Variants in GABRR1 observed in about 807,000 individuals in gnomAD.
The protein encoded by GABRR1 is gamma-aminobutyric acid receptor subunit rho-1.
A neutral mutation model predicts 55.5 loss-of-function variants in GABRR1; 59 were observed. The ratio of observed to expected loss-of-function variants is 1.06; its 90% CI spans 0.86 to 1.32. The LOEUF (loss-of-function observed/expected upper bound fraction) is 1.32, where lower values mean the gene tolerates loss of function less well. GABRR1 is among the 40% of genes most tolerant of loss of function. The pLI is 0.00. For synonymous variants in GABRR1, 213 were observed against 226.0 expected (o/e 0.94, Z 0.51); for missense variants, 602 against 619.1 (o/e 0.97, Z 0.29).
chr6:89,180,071 G>C (rs1279332253), intron 9 of GABRR1, among the ~76,000 whole-genome samples: 12 of 132,688 alleles, frequency 9.0e-5, no homozygotes, highest in Non-Finnish European at 4.9e-5. Context: ...TATGTGGTAG[G>C]TGCAAAAAAA....
At chr6:89,192,040 GAA>G (rs113580257) in intron 5 of GABRR1, among the ~76,000 whole-genome samples, 8 of 138,372 alleles carry the variant, frequency 5.8e-5, no homozygotes, top group East Asian at 2.1e-4. Flanking sequence ...AGACTCCATC[GAA>G]AAAAAAAAAA....
intron 1 of GABRR1, among the ~76,000 whole-genome samples, chr6:89,207,206 T>A (rs897887781): frequency 1.3e-5 from 2 of 152,122 alleles, no homozygotes; most frequent in African/African-American, 4.8e-5. Flanking sequence ...ATGTTAATTT[T>A]TTTTTGAAGA....
chr6:89,201,103 G>T, intron 3 of GABRR1, 56 bp downstream of exon 3: 1 of 1,338,076 alleles, frequency 7.5e-7, no homozygotes, highest in Non-Finnish European at 1.1e-6. Context: ...CTAATTTCCT[G>T]CCCACAGACA....
At chr6:89,206,103 G>A (rs1334192722) in intron 1 of GABRR1, among the ~76,000 whole-genome samples, 1 of 151,220 alleles carries the variant, frequency 6.6e-6, no homozygotes, top group Admixed American at 6.6e-5. Flanking sequence ...CTGCTGTCTC[G>A]CCCTCTCCAT....
At chr6:89,224,296 T>C (rs1037129813) in intron 1 of GABRR1, among the ~76,000 whole-genome samples, 4 of 152,054 alleles carry the variant, frequency 2.6e-5, no homozygotes, top group African/African-American at 7.2e-5. Context: ...TTCACCATGT[T>C]GGCCAGGCTG....
At chr6:89,206,735 C>T (rs1772659955) in intron 1 of GABRR1, among the ~76,000 whole-genome samples, 1 of 151,932 alleles carries the variant, frequency 6.6e-6, no homozygotes, top group Non-Finnish European at 1.5e-5. Flanking sequence ...CCTGCCTCAG[C>T]CTCCCAAGTA....
At chr6:89,189,569 A>G in intron 6 of GABRR1, among the ~76,000 whole-genome samples, 1 of 140,726 alleles carries the variant, frequency 7.1e-6, no homozygotes, top group Non-Finnish European at 1.5e-5. Context: ...CTAGATGATG[A>G]GTTAGTGGGT....
intron 1 of GABRR1, among the ~76,000 whole-genome samples, chr6:89,214,909 C>T (rs1414780453): frequency 1.3e-5 from 2 of 152,116 alleles, no homozygotes; most frequent in African/African-American, 2.4e-5. Context: ...CACCTGTAGT[C>T]CCAGCTATTC....
chr6:89,197,609 G>A (rs371456251), intron 5 of GABRR1, among the ~76,000 whole-genome samples: 143 of 152,346 alleles, frequency 9.4e-4, no homozygotes, highest in Admixed American at 1.9e-3. Flanking sequence ...AGGACACTAC[G>A]GAGAGAAAGG....
intron 6 of GABRR1, among the ~76,000 whole-genome samples, chr6:89,189,488 A>C (rs1237273708): frequency 8.3e-6 from 1 of 119,992 alleles, no homozygotes; most frequent in African/African-American, 3.2e-5. Context: ...AGGAAGGGGA[A>C]TATCACACTC....
intron 1 of GABRR1, among the ~76,000 whole-genome samples, chr6:89,229,206 C>A (rs1280806363): frequency 6.6e-6 from 1 of 151,756 alleles, no homozygotes; most frequent in Non-Finnish European, 1.5e-5. Flanking sequence ...TGGGTCTTGA[C>A]TCTTTATCCA....
chr6:89,227,728 T>A (rs2127813345), intron 1 of GABRR1, among the ~76,000 whole-genome samples: 1 of 8,698 alleles, frequency 1.1e-4, no homozygotes, highest in East Asian at 1.9e-3. Context: ...AAATTCTCTT[T>A]TTTGGTTGTG....
intron 1 of GABRR1, among the ~76,000 whole-genome samples, chr6:89,206,119 C>T (rs976722757): frequency 3.9e-5 from 6 of 152,062 alleles, no homozygotes; most frequent in South Asian, 2.1e-4. Context: ...TCCATCCCCA[C>T]GCCCCCTGCC....
At chr6:89,198,650 C>G (rs1192350461) in intron 4 of GABRR1, among the ~76,000 whole-genome samples, 1 of 152,132 alleles carries the variant, frequency 6.6e-6, no homozygotes, top group Non-Finnish European at 1.5e-5. Flanking sequence ...TCAGAATAAC[C>G]CTGAAGTGTG....
chr6:89,183,959 G>C (rs146177105), intron 7 of GABRR1, among the ~76,000 whole-genome samples: 2,139 of 152,280 alleles, frequency 0.014, 61 homozygotes, highest in African/African-American at 0.047. Flanking sequence ...CTAGACTTCA[G>C]CTGGGCGCAG....
chr6:89,184,884 T>TA (rs1771847690), intron 7 of GABRR1, among the ~76,000 whole-genome samples: 1 of 118,580 alleles, frequency 8.4e-6, no homozygotes, highest in Non-Finnish European at 1.9e-5. Flanking sequence ...TTCTTTTCTT[T>TA]CTTTTTTTTT....
chr6:89,181,284 G>A (rs1771710717), intron 8 of GABRR1, among the ~76,000 whole-genome samples: 1 of 152,120 alleles, frequency 6.6e-6, no homozygotes, highest in African/African-American at 2.4e-5. Flanking sequence ...CTGGTGGGTC[G>A]CATTCTCCCC....
intron 6 of GABRR1, among the ~76,000 whole-genome samples, chr6:89,187,123 GA>G (rs1265879515): frequency 5.3e-5 from 8 of 152,140 alleles, no homozygotes; most frequent in African/African-American, 1.9e-4. Flanking sequence ...GAGGAGAATG[GA>G]GCGGACATGT....
chr6:89,192,306 T>A, intron 5 of GABRR1, among the ~76,000 whole-genome samples: 1 of 152,132 alleles, frequency 6.6e-6, no homozygotes, highest in East Asian at 1.9e-4. Context: ...CCTCTCCACA[T>A]ACACTCACAG....
Sources: gnomAD v4.1 joint callset for allele counts (sites outside exome capture counted in the v4.1 genomes callset) on GRCh38, gnomAD v4.1.1 for gene constraint, MANE v1.5 for transcripts, NCBI Gene and HGNC (gene_info 2026-07-23, HGNC 2026-07-21) for gene names.